Variants in ANO6 observed in about 807,000 individuals in gnomAD.
The protein encoded by ANO6 is anoctamin-6.
A neutral mutation model predicts 117.5 loss-of-function variants in ANO6; 106 were observed. That is an observed-to-expected ratio of 0.90 (90% CI 0.77 to 1.06). The LOEUF is 1.06. ANO6 is among the 50% of genes least tolerant of loss of function. The pLI, the probability that ANO6 is intolerant of heterozygous loss-of-function variation, is 0.00. For missense variants in ANO6, 955 were observed against 1,121.1 expected, an observed-to-expected ratio of 0.85 and a Z score of 2.12; for synonymous variants, 367 against 385.1, an observed-to-expected ratio of 0.95 and a Z score of 0.55.
chr12:45,346,008 G>C (rs1941122385), intron 3 of ANO6, among the ~76,000 whole-genome samples: 1 of 133,014 alleles, frequency 7.5e-6, no homozygotes, highest in Non-Finnish European at 1.6e-5. Flanking sequence ...AGAAACAAAA[G>C]GGGGCCAAAC....
chr12:45,400,632 T>C (rs146097922), intron 12 of ANO6, among the ~76,000 whole-genome samples: 13 of 152,350 alleles, frequency 8.5e-5, no homozygotes, highest in African/African-American at 1.4e-4. Context: ...AACAACTCCA[T>C]AGGTTAGGTG....
intron 1 of ANO6, among the ~76,000 whole-genome samples, chr12:45,221,416 C>T (rs760376134): frequency 2.6e-5 from 4 of 152,028 alleles, no homozygotes; most frequent in Non-Finnish European, 4.4e-5. Flanking sequence ...CAGAGATGGC[C>T]GGAGGAGAGT....
chr12:45,415,023 G>T (rs1044017776), intron 16 of ANO6, among the ~76,000 whole-genome samples: 1 of 152,166 alleles, frequency 6.6e-6, no homozygotes, highest in South Asian at 2.1e-4. Context: ...CTCCCAAAGT[G>T]CTGGGATTAC....
At position 45,430,039 on chromosome 12, in the gene ANO6, C is replaced by T; in HGVS notation, c.*728C>T. ...AGGTTCCGTGCCTAATCAATGTTGA[C>T]TGCTTTGCAGATCTCAAGGGAATAA... On this transcript the variant is annotated 3_prime_UTR_variant, in exon 20 of 20. Transcript: ENST00000320560. The T allele has an allele frequency of 1.0e-6, 1 of 985,482 alleles. No individual in the cohort carries two copies. Among genetic ancestry groups the T allele is most frequent in the South Asian group, 4.7e-5 (1 of 21,286 alleles). The allele number at this position is 985,482 out of a possible 1,614,324, so 61.0% of individuals were successfully genotyped here.
chr12:45,302,453 G>A (rs890396428), intron 2 of ANO6, among the ~76,000 whole-genome samples: 5 of 152,126 alleles, frequency 3.3e-5, no homozygotes, highest in Non-Finnish European at 5.9e-5. Flanking sequence ...GCATATACAG[G>A]TATATTGACC....
chr12:45,358,919 G>A (rs1012721973), intron 8 of ANO6, among the ~76,000 whole-genome samples: 53 of 151,900 alleles, frequency 3.5e-4, no homozygotes, highest in Non-Finnish European at 8.8e-5. Context: ...TGAGTAGCTG[G>A]GATTACAGGC....
intron 9 of ANO6, among the ~76,000 whole-genome samples, chr12:45,368,780 G>C (rs899353954): frequency 1.6e-4 from 24 of 152,168 alleles, no homozygotes; most frequent in African/African-American, 5.6e-4. Flanking sequence ...ATGTAAGTCA[G>C]ATTTTAACGG....
chr12:45,290,679 C>A (rs1164091811), intron 1 of ANO6, among the ~76,000 whole-genome samples: 1 of 152,070 alleles, frequency 6.6e-6, no homozygotes, highest in Non-Finnish European at 1.5e-5. Flanking sequence ...TTTAAAATAC[C>A]AAATTGGCAA....
chr12:45,310,419 T>C (rs1354994052), intron 2 of ANO6, among the ~76,000 whole-genome samples: 1 of 152,038 alleles, frequency 6.6e-6, no homozygotes, highest in Admixed American at 6.6e-5. Flanking sequence ...AGTAAGTGAG[T>C]CAAGGCTTGT....
At chr12:45,229,395 T>TG (rs1171217831) in intron 1 of ANO6, among the ~76,000 whole-genome samples, 1 of 145,146 alleles carries the variant, frequency 6.9e-6, no homozygotes, top group Non-Finnish European at 1.5e-5. Context: ...TTTTAGTTTT[T>TG]TTTTTTTTTT....
At position 45,431,691 on chromosome 12, in the gene ANO6, GAA is replaced by G; in HGVS notation, c.*2383_*2384del. On this transcript the variant is annotated 3_prime_UTR_variant, in exon 20 of 20. Coordinates refer to ENST00000320560, the MANE Select transcript of ANO6 (RefSeq NM_001025356.3). Reference sequence around the variant, plus strand: ...TCCACGGCTGACTTGCAGTGATAAAGAAAAGCATGGAGCTGTGTCTGCAGACA... The same window carrying G: ...TCCACGGCTGACTTGCAGTGATAAAGAAGCATGGAGCTGTGTCTGCAGACA... 1 of 985,438 alleles carries G rather than the reference GAA, an allele frequency of 1.0e-6. No homozygotes were observed. Among genetic ancestry groups the G allele is most frequent in the East Asian group, 1.1e-4 (1 of 8,814 alleles). 61.0% of individuals were successfully genotyped at this position (985,438 alleles called of 1,614,324 possible). A position where few individuals can be genotyped will look rare whatever the true frequency, so the allele number is the denominator to read the frequency against.
intron 17 of ANO6, among the ~76,000 whole-genome samples, 194 bp from the exon 18 acceptor site, chr12:45,420,877 T>C (rs1943341490): frequency 6.6e-6 from 1 of 151,834 alleles, no homozygotes; most frequent in African/African-American, 2.4e-5. Flanking sequence ...GTACAAAAAT[T>C]AGCCAGGCGT....
At chr12:45,276,766 A>G (rs1938568105) in intron 1 of ANO6, among the ~76,000 whole-genome samples, 2 of 152,194 alleles carry the variant, frequency 1.3e-5, no homozygotes, top group South Asian at 4.1e-4. Context: ...CCTGGCATAT[A>G]GTAGGTGCCA....
intron 1 of ANO6, 70 bp downstream of exon 1, chr12:45,216,461 C>T (rs1947313258): frequency 1.3e-6 from 2 of 1,543,380 alleles, no homozygotes; most frequent in East Asian, 2.4e-5. Flanking sequence ...GGGGACTGCG[C>T]GGGGGCGCTG....
At chr12:45,229,319 A>G (rs886904295) in intron 1 of ANO6, among the ~76,000 whole-genome samples, 1 of 151,834 alleles carries the variant, frequency 6.6e-6, no homozygotes, top group East Asian at 1.9e-4. Flanking sequence ...TGATCCTTTT[A>G]ATGTTCCCAT....
At chr12:45,379,866 G>A (rs563155134) in intron 10 of ANO6, among the ~76,000 whole-genome samples, 26 of 152,250 alleles carry the variant, frequency 1.7e-4, no homozygotes, top group African/African-American at 2.6e-4. Flanking sequence ...CTATAGCATC[G>A]TATGTATATT....
At chr12:45,277,858 A>G (rs1247023933) in intron 1 of ANO6, among the ~76,000 whole-genome samples, 3 of 152,150 alleles carry the variant, frequency 2.0e-5, no homozygotes, top group Non-Finnish European at 2.9e-5. Context: ...TGAACGCAGT[A>G]CTTAGAAATT....
chr12:45,250,089 G>C (rs924188867), intron 1 of ANO6, among the ~76,000 whole-genome samples: 7 of 152,108 alleles, frequency 4.6e-5, no homozygotes, highest in Admixed American at 3.9e-4. Context: ...ATAAAACCAA[G>C]AACTGTGTTA....
intron 1 of ANO6, among the ~76,000 whole-genome samples, chr12:45,267,317 C>T (rs1394466921): frequency 6.6e-6 from 1 of 152,120 alleles, no homozygotes; most frequent in Admixed American, 6.5e-5. Context: ...CAAATTTCTT[C>T]CTCTTTTAAG....
Sources: allele counts gnomAD v4.1 joint callset (sites outside exome capture counted in the v4.1 genomes callset), GRCh38; gene constraint gnomAD v4.1.1; transcripts MANE v1.5; gene names NCBI Gene and HGNC (gene_info 2026-07-23, HGNC 2026-07-21).